RAB11FIP4: variants seen among roughly 807,000 people sequenced by gnomAD.
RAB11FIP4 encodes RAB11 family interacting protein 4.
RAB11FIP4 carries 23 observed loss-of-function variants against 74.3 expected under a neutral mutation model. The observed-to-expected ratio is 0.31, with a 90% CI of 0.22 to 0.44. The LOEUF is 0.44. RAB11FIP4 is among the 20% of genes least tolerant of loss of function. The pLI, the probability that RAB11FIP4 is intolerant of heterozygous loss-of-function variation, is 1.00. For synonymous variants in RAB11FIP4, 360 were observed against 359.9 expected (o/e 1.00, Z 0.00); for missense variants, 630 against 863.9 (o/e 0.73, Z 3.39).
intron 1 of RAB11FIP4, among the ~76,000 whole-genome samples, chr17:31,410,670 G>A (rs1282749476): frequency 1.3e-5 from 2 of 152,138 alleles, no homozygotes; most frequent in African/African-American, 2.4e-5. Flanking sequence ...GGACTGCTGT[G>A]GGCTGAGTCT....
At chr17:31,421,722 T>C (rs555171607) in intron 1 of RAB11FIP4, among the ~76,000 whole-genome samples, 33 of 150,894 alleles carry the variant, frequency 2.2e-4, no homozygotes, top group African/African-American at 8.0e-4. Flanking sequence ...CACGCCCAGC[T>C]AATTTTTTGT....
intron 1 of RAB11FIP4, among the ~76,000 whole-genome samples, chr17:31,407,136 C>G (rs1289000249): frequency 7.0e-6 from 1 of 142,140 alleles, no homozygotes. Flanking sequence ...ACTGCAGCCT[C>G]AACTTCCTGG....
intron 3 of RAB11FIP4, among the ~76,000 whole-genome samples, chr17:31,480,073 C>T (rs1486883139): frequency 1.3e-5 from 2 of 152,132 alleles, no homozygotes; most frequent in African/African-American, 2.4e-5. Context: ...AACTGAGGCT[C>T]GGTGAAGTTA....
chr17:31,528,536 C>T lies in RAB11FIP4; in HGVS notation c.1487C>T (p.Thr496Met), dbSNP rs750604582. The T allele has an allele frequency of 9.5e-5, 154 of 1,613,686 alleles. No individual in the cohort carries two copies. The highest frequency in any genetic ancestry group is 1.2e-4 in the Non-Finnish European group (144 of 1,180,026). Residue 496 changes from threonine (T) to methionine (M), a missense_variant, in exon 12 of 15, where the codon ACG becomes ATG. Thr to Met is a moderately conservative substitution (Grantham distance 81). Coordinates refer to ENST00000621161, the MANE Select transcript of RAB11FIP4 (RefSeq NM_032932.6). ...RLEFQKEREA[T>M]QELIEDLRKE... Reference sequence around the variant, plus strand: ...GAGTTCCAGAAGGAGCGGGAGGCGACGCAGGAGGTAGGTCCCAGGCCAGCA... The same window carrying T: ...GAGTTCCAGAAGGAGCGGGAGGCGATGCAGGAGGTAGGTCCCAGGCCAGCA...
At chr17:31,488,507 GCTGGGGCGC>G (rs1402579668) in intron 3 of RAB11FIP4, 1 of 325,940 alleles carries the variant, frequency 3.1e-6, no homozygotes, top group Non-Finnish European at 4.7e-6. Flanking sequence ...GGGCTCGTCT[GCTGGGGCGC>G]CTCCCTGGGG....
chr17:31,514,997 G>A (rs376797852), intron 3 of RAB11FIP4, among the ~76,000 whole-genome samples: 4 of 152,134 alleles, frequency 2.6e-5, no homozygotes, highest in African/African-American at 9.7e-5. Context: ...GGCGGGGTGG[G>A]GGGCCCTGCC....
intron 3 of RAB11FIP4, among the ~76,000 whole-genome samples, chr17:31,514,893 T>G (rs1172785538): frequency 6.6e-6 from 1 of 152,222 alleles, no homozygotes; most frequent in East Asian, 1.9e-4. Flanking sequence ...CCCTATAAAA[T>G]GTGCTCTCCT....
chr17:31,419,354 A>G (rs1377420058), intron 1 of RAB11FIP4, among the ~76,000 whole-genome samples: 1 of 149,828 alleles, frequency 6.7e-6, no homozygotes, highest in Non-Finnish European at 1.5e-5. Context: ...ATCTTTTGAT[A>G]GGTTTTTCTT....
chr17:31,517,934 C>G (rs1451928584), intron 4 of RAB11FIP4, 57 bp downstream of exon 4: 32 of 1,386,624 alleles, frequency 2.3e-5, no homozygotes, highest in South Asian at 1.3e-5. Flanking sequence ...AAATGTGGTT[C>G]TTGGAAAGTG....
intron 3 of RAB11FIP4, among the ~76,000 whole-genome samples, chr17:31,444,768 T>C (rs112505103): frequency 0.025 from 3,767 of 152,322 alleles, 147 homozygotes; most frequent in African/African-American, 0.086. Context: ...TTGGGTTTTA[T>C]GAACCTGTAG....
chr17:31,435,115 G>GT lies in RAB11FIP4; in HGVS notation c.336+996dup, dbSNP rs537089376. 2.5e-3 allele frequency among the ~76,000 whole-genome samples: 377 copies of GT among 152,330 alleles called. 4 individuals carry two copies. Among genetic ancestry groups the GT allele is most frequent in the Non-Finnish European group, 2.7e-3 (185 of 68,030 alleles). On this transcript the variant is annotated intron_variant, in intron 3 of 14. Coordinates refer to ENST00000621161, the MANE Select transcript of RAB11FIP4 (RefSeq NM_032932.6). Reference sequence around the variant, plus strand: ...GTGGGAGGAGCACTTGAGCCCAGTAGTTTGAGACTTCAGTGAGCTGTGATT... The same window carrying GT: ...GTGGGAGGAGCACTTGAGCCCAGTAGTTTTGAGACTTCAGTGAGCTGTGATT...
At chr17:31,415,384 G>C (rs1218881193) in intron 1 of RAB11FIP4, among the ~76,000 whole-genome samples, 1 of 152,182 alleles carries the variant, frequency 6.6e-6, no homozygotes, top group African/African-American at 2.4e-5. Flanking sequence ...AAAAGGCTCG[G>C]AAGAGAGGTT....
At chr17:31,412,813 G>C (rs752531326) in intron 1 of RAB11FIP4, among the ~76,000 whole-genome samples, 18 of 152,186 alleles carry the variant, frequency 1.2e-4, no homozygotes, top group Admixed American at 2.0e-4. Context: ...GATCCAAGTG[G>C]GGTTTCCGTG....
intron 6 of RAB11FIP4, 56 bp downstream of exon 6, chr17:31,522,105 G>C: frequency 1.2e-6 from 2 of 1,602,880 alleles, no homozygotes; most frequent in Non-Finnish European, 1.7e-6. Context: ...GCAGGGCCTG[G>C]AGGGAGAAGC....
intron 3 of RAB11FIP4, among the ~76,000 whole-genome samples, chr17:31,505,511 T>G (rs1597964398): frequency 1.1e-5 from 1 of 88,758 alleles, no homozygotes; most frequent in Non-Finnish European, 2.1e-5. Flanking sequence ...ATATTATATA[T>G]AATAATTATA....
intron 4 of RAB11FIP4, among the ~76,000 whole-genome samples, chr17:31,519,941 C>G (rs757144506): frequency 1.3e-5 from 2 of 151,738 alleles, no homozygotes; most frequent in Non-Finnish European, 1.5e-5. Context: ...GGCAAAAACC[C>G]CATCTCTACT....
chr17:31,519,108 G>A (rs780265992), intron 4 of RAB11FIP4, among the ~76,000 whole-genome samples: 4 of 141,394 alleles, frequency 2.8e-5, no homozygotes, highest in Non-Finnish European at 6.0e-5. Flanking sequence ...TCCACCTCCC[G>A]GGTTCATGCC....
intron 3 of RAB11FIP4, among the ~76,000 whole-genome samples, chr17:31,453,067 G>T (rs1376661138): frequency 6.6e-6 from 1 of 152,128 alleles, no homozygotes; most frequent in Non-Finnish European, 1.5e-5. Flanking sequence ...AACTTGGGGA[G>T]AGGCTGGGCA....
chr17:31,483,800 CAT>C (rs142483659), intron 3 of RAB11FIP4, among the ~76,000 whole-genome samples: 6 of 151,062 alleles, frequency 4.0e-5, no homozygotes, highest in Admixed American at 1.3e-4. Context: ...ATCATGAAAC[CAT>C]ATATATATAT....
Sources: allele counts gnomAD v4.1 joint callset (sites outside exome capture counted in the v4.1 genomes callset), GRCh38; gene constraint gnomAD v4.1.1; transcripts MANE v1.5; gene names NCBI Gene and HGNC (gene_info 2026-07-23, HGNC 2026-07-21).